PAPPA: variants seen among roughly 807,000 people sequenced by gnomAD.
PAPPA encodes the protein pappalysin-1.
In PAPPA, 60 loss-of-function variants were observed where a neutral mutation model predicts 164.0. The ratio of observed to expected loss-of-function variants is 0.37; its 90% CI spans 0.30 to 0.45. PAPPA has a LOEUF of 0.45. PAPPA is among the 20% of genes least tolerant of loss of function. The probability of loss-of-function intolerance (pLI) is 1.00; values close to 1 mark genes in which losing one functional copy is unlikely to be tolerated. For missense variants in PAPPA, 1,782 were observed against 2,087.3 expected (o/e 0.85, Z 2.85); for synonymous variants, 875 against 814.1 (o/e 1.07, Z -1.27).
chr9:116,187,302 C>T lies in PAPPA; in HGVS notation c.564C>T (p.His188=). Residue 188 remains histidine, a synonymous_variant, in exon 2 of 22, where the codon CAC becomes CAT. Transcript: ENST00000328252. This position sits in a 1 kb window ranked among gnomAD's most constrained non-coding sequence, Gnocchi z 4.2. ...RARQVTTINA[H]RSYLPGQWVY... The stretch of plus-strand genomic sequence containing the variant: ...GGCAAGTGACCACCATCAATGCCCA[C>T]CGCAGCTACCTCCCAGGCCAGTGGG... 1 of 1,614,200 alleles carries T rather than the reference C, an allele frequency of 6.2e-7. No homozygotes were observed. Among genetic ancestry groups the T allele is most frequent in the South Asian group, 1.1e-5 (1 of 91,084 alleles).
intron 19 of PAPPA, among the ~76,000 whole-genome samples, chr9:116,368,303 C>T (rs1051116065): frequency 5.3e-5 from 8 of 152,202 alleles, no homozygotes; most frequent in South Asian, 2.1e-4. Flanking sequence ...TTCATGTGTC[C>T]GGTGCTTAGC....
chr9:116,359,726 T>G (rs1262310092), intron 17 of PAPPA, among the ~76,000 whole-genome samples: 1 of 152,086 alleles, frequency 6.6e-6, no homozygotes, highest in Non-Finnish European at 1.5e-5. Flanking sequence ...GGCAAAGATG[T>G]GGAGGTGGGA....
intron 21 of PAPPA, among the ~76,000 whole-genome samples, chr9:116,384,270 TTAATAATAATAA>T (rs3040228): frequency 1.2e-4 from 17 of 138,274 alleles, no homozygotes; most frequent in African/African-American, 4.6e-4. Context: ...CTACACGTAA[TTAATAATAATAA>T]TAATAATAAT....
chr9:116,273,948 C>A (rs1334112355), intron 9 of PAPPA, among the ~76,000 whole-genome samples: 1 of 152,150 alleles, frequency 6.6e-6, no homozygotes, highest in African/African-American at 2.4e-5. Context: ...CTCGTAACAA[C>A]TCTTTTACTG....
chr9:116,275,284 T>C (rs1290545196), intron 9 of PAPPA, among the ~76,000 whole-genome samples: 1 of 152,254 alleles, frequency 6.6e-6, no homozygotes, highest in Admixed American at 6.5e-5. Flanking sequence ...GATGCACAGA[T>C]GCACATTAGC....
At chr9:116,340,279 C>A (rs766598001) in intron 13 of PAPPA, among the ~76,000 whole-genome samples, 3 of 152,122 alleles carry the variant, frequency 2.0e-5, no homozygotes, top group African/African-American at 7.2e-5. Context: ...GGCTGTATCA[C>A]AGAGTTATTT....
chr9:116,269,632 T>C (rs1050279693), intron 8 of PAPPA, among the ~76,000 whole-genome samples: 1 of 152,216 alleles, frequency 6.6e-6, no homozygotes, highest in African/African-American at 2.4e-5. Context: ...TATCTAATGA[T>C]AGATCTGTCA....
chr9:116,379,554 T>A (rs1452921128), intron 20 of PAPPA, among the ~76,000 whole-genome samples: 1 of 151,796 alleles, frequency 6.6e-6, no homozygotes, highest in Admixed American at 6.6e-5. Flanking sequence ...CATCCATCCA[T>A]CCATCCATCC....
At chr9:116,301,926 T>G (rs1845583763) in intron 9 of PAPPA, among the ~76,000 whole-genome samples, 1 of 152,238 alleles carries the variant, frequency 6.6e-6, no homozygotes, top group East Asian at 1.9e-4. Flanking sequence ...TTGAAGCCAA[T>G]GTCCCTTGTA....
intron 2 of PAPPA, among the ~76,000 whole-genome samples, chr9:116,192,279 C>T (rs554570166): frequency 6.6e-6 from 1 of 152,076 alleles, no homozygotes; most frequent in Non-Finnish European, 1.5e-5. Flanking sequence ...AGACAGCCAG[C>T]CCATGCAGAG....
chr9:116,265,828 T>C, intron 7 of PAPPA, 29 bp from the exon 8 acceptor site: 2 of 1,566,530 alleles, frequency 1.3e-6, no homozygotes, highest in Non-Finnish European at 1.8e-6. Context: ...ATTGTAATTG[T>C]ATAATTATGT....
In PAPPA at chr9:116,397,472, T is replaced by C. The variant is rs145525416; in HGVS notation, c.*856T>C. The C allele has an allele frequency of 4.9e-3, 747 of 152,898 alleles. No homozygotes were observed. Among genetic ancestry groups the C allele is most frequent in the South Asian group, 0.019 (94 of 4,830 alleles). The allele number at this position is 152,898 out of a possible 1,614,324, so 9.5% of individuals were successfully genotyped here. A position where few individuals can be genotyped will look rare whatever the true frequency, so the allele number is the denominator to read the frequency against. On this transcript the variant is annotated 3_prime_UTR_variant, in exon 22 of 22. Coordinates refer to ENST00000328252, the MANE Select transcript of PAPPA (RefSeq NM_002581.5). ...TTTGCTGCTACTTTTCCTGCTGCTC[T>C]ATCCTATACATTGAATAATCCAAGA...
chr9:116,353,804 T>C lies in PAPPA; in HGVS notation c.4347+11T>C, dbSNP rs747467866. 1 of 1,606,450 alleles carries C rather than the reference T, an allele frequency of 6.2e-7. No individual in the cohort carries two copies. The highest frequency in any genetic ancestry group is 8.5e-7 in the Non-Finnish European group (1 of 1,174,712). On this transcript the variant is annotated intron_variant, in intron 17 of 21. Transcript: ENST00000328252. Reference sequence around the variant, plus strand: ...AGTGATGCCTCCCAGGTAAGCCTCCTGGAACTTGAGATTGATACCATGGTC... The same window carrying C: ...AGTGATGCCTCCCAGGTAAGCCTCCCGGAACTTGAGATTGATACCATGGTC...
chr9:116,289,302 AGCATATATATG>A (rs1845398274), intron 9 of PAPPA, among the ~76,000 whole-genome samples: 1 of 139,780 alleles, frequency 7.2e-6, no homozygotes, highest in African/African-American at 2.7e-5. Context: ...GCATATATAT[AGCATATATATG>A]GCATATATAT....
At chr9:116,361,045 C>T (rs938503430) in intron 17 of PAPPA, among the ~76,000 whole-genome samples, 6 of 152,152 alleles carry the variant, frequency 3.9e-5, no homozygotes. Context: ...GCACAACATA[C>T]GATGCCTTCA....
At position 116,187,720 on chromosome 9, in the gene PAPPA, G is replaced by A. The variant is rs1564177646; in HGVS notation, c.982G>A (p.Gly328Arg). 2 of 1,614,226 alleles carry A rather than the reference G, an allele frequency of 1.2e-6. No homozygotes were observed. The highest frequency in any genetic ancestry group is 1.3e-5 in the African/African-American group (1 of 75,070). ...LDTSLEPPLC[G>R]QTLCDNTEVI... ...CACGAGTCTGGAGCCTCCTCTGTGC[G>A]GACAGACATTGTGTGACAACACAGA... The change falls in exon 2 of 22, where the codon GGA becomes AGA. Residue 328 changes from glycine to arginine, a missense_variant. Around this residue, in one of 2 missense-constraint regions of PAPPA, gnomAD observed 1,324 missense variants for 1,656.9 expected, o/e 0.80. Transcript: ENST00000328252. This position sits in a 1 kb window ranked among gnomAD's most constrained non-coding sequence, Gnocchi z 4.2.
Position 116,400,045 on chromosome 9 carries a change from G to A in PAPPA, c.*3429G>A, listed in dbSNP as rs375888935. The A allele has an allele frequency of 1.3e-5, 2 of 152,446 alleles. No individual in the cohort carries two copies. Among genetic ancestry groups the A allele is most frequent in the African/African-American group, 4.8e-5 (2 of 41,390 alleles). The allele number at this position is 152,446 out of a possible 1,614,324, so 9.4% of individuals were successfully genotyped here. On this transcript the variant is annotated 3_prime_UTR_variant, in exon 22 of 22. Coordinates refer to ENST00000328252, the MANE Select transcript of PAPPA (RefSeq NM_002581.5). ...AAAGAAAGAAAAAGAAAGAAAGAAA[G>A]AAAGAGAAAGGAAATTATAAGGTCA...
At chr9:116,248,731 A>G (rs767574664) in intron 7 of PAPPA, among the ~76,000 whole-genome samples, 2 of 152,224 alleles carry the variant, frequency 1.3e-5, no homozygotes, top group Non-Finnish European at 2.9e-5. Flanking sequence ...CTCTACCCCT[A>G]GCTTCTTGTG....
chr9:116,387,258 C>CAAG lies in PAPPA; in HGVS notation c.4776+4766_4776+4768dup, dbSNP rs1260584303. Among the ~76,000 whole-genome samples the CAAG allele has an allele frequency of 7.9e-5, 12 of 152,298 alleles. No individual in the cohort carries two copies. The East Asian group carries it at 2.1e-3, about 27-fold the overall frequency. On this transcript the variant is annotated intron_variant, in intron 21 of 21. Transcript: ENST00000328252. ...GTTGAGGGAAATGGAATAATTTGTA[C>CAAG]AAGGTGATAGAGCTATGTTTGGGAT...
Sources: gnomAD v4.1 joint callset for allele counts (sites outside exome capture counted in the v4.1 genomes callset) on GRCh38, gnomAD v4.1.1 for gene constraint, gnomAD v4.1.1 regional missense constraint, Gnocchi (gnomAD v3.1) non-coding constraint, MANE v1.5 for transcripts, NCBI Gene and HGNC (gene_info 2026-07-23, HGNC 2026-07-21) for gene names.